Variants in RHOA observed in about 807,000 individuals in gnomAD.
RHOA encodes the protein transforming protein RhoA.
In RHOA, 3 loss-of-function variants were observed where a neutral mutation model predicts 17.5. The ratio of observed to expected loss-of-function variants is 0.17; its 90% confidence interval spans 0.08 to 0.44. RHOA has a LOEUF of 0.44. Ranked by LOEUF, RHOA falls within the 20% of genes least tolerant of loss-of-function variation. RHOA has a pLI of 0.99. For missense variants in RHOA, 56 were observed against 242.3 expected (o/e 0.23, Z 5.10); for synonymous variants, 98 against 88.4 (o/e 1.11, Z -0.61).
intron 1 of RHOA, among the ~76,000 whole-genome samples, chr3:49,395,627 C>T (rs2048602496): frequency 6.6e-6 from 1 of 151,430 alleles, no homozygotes; most frequent in Non-Finnish European, 1.5e-5. Context: ...GTAGGAGAAT[C>T]GCTTGAACCC....
intron 3 of RHOA, among the ~76,000 whole-genome samples, chr3:49,364,977 A>C (rs2048031301): frequency 6.6e-6 from 1 of 152,116 alleles, no homozygotes; most frequent in Non-Finnish European, 1.5e-5. Flanking sequence ...TCTCAAAAAA[A>C]CAAAAATAAA....
intron 1 of RHOA, among the ~76,000 whole-genome samples, chr3:49,383,688 C>A (rs1422142679): frequency 2.0e-5 from 3 of 152,108 alleles, no homozygotes; most frequent in Non-Finnish European, 4.4e-5. Context: ...CCTAGAATGT[C>A]CAGACTCTGT....
At chr3:49,411,534 C>T (rs1000322619) in intron 1 of RHOA, among the ~76,000 whole-genome samples, 1 of 152,036 alleles carries the variant, frequency 6.6e-6, no homozygotes, top group Non-Finnish European at 1.5e-5. Flanking sequence ...GCTCCGGGGA[C>T]CGAGGGCGGG....
chr3:49,368,928 G>A (rs1306616646), intron 2 of RHOA, among the ~76,000 whole-genome samples: 2 of 139,176 alleles, frequency 1.4e-5, no homozygotes, highest in Non-Finnish European at 3.1e-5. Context: ...AGGATGGTCT[G>A]GATCTCCTGA....
chr3:49,399,295 G>A (rs1338191725), intron 1 of RHOA, among the ~76,000 whole-genome samples: 1 of 151,666 alleles, frequency 6.6e-6, no homozygotes, highest in Admixed American at 6.6e-5. Context: ...ACGTGAACCT[G>A]GGAGGCGGAG....
intron 4 of RHOA, among the ~76,000 whole-genome samples, chr3:49,362,113 G>A (rs1381870031): frequency 1.9e-4 from 29 of 151,742 alleles, no homozygotes; most frequent in Admixed American, 1.6e-3. Flanking sequence ...CTTGAACCCC[G>A]GAGGCGGAGG....
intron 2 of RHOA, among the ~76,000 whole-genome samples, chr3:49,372,307 C>G (rs2048158559): frequency 6.6e-6 from 1 of 152,150 alleles, no homozygotes; most frequent in South Asian, 2.1e-4. Context: ...GGTTTGCCAC[C>G]TTCAGGGTAC....
chr3:49,391,942 C>T (rs1559511167), intron 1 of RHOA, among the ~76,000 whole-genome samples: 1 of 151,366 alleles, frequency 6.6e-6, no homozygotes, highest in Non-Finnish European at 1.5e-5. Flanking sequence ...ATTCTCCCGC[C>T]TCAGCCTCCC....
intron 1 of RHOA, among the ~76,000 whole-genome samples, chr3:49,394,804 T>C (rs1466851116): frequency 2.0e-5 from 3 of 152,166 alleles, no homozygotes; most frequent in African/African-American, 7.2e-5. Context: ...GGCAAGTGAT[T>C]CTGCCAGAGA....
chr3:49,392,338 G>A (rs2048525506), intron 1 of RHOA, among the ~76,000 whole-genome samples: 1 of 149,966 alleles, frequency 6.7e-6, no homozygotes, highest in African/African-American at 2.4e-5. Context: ...GTAAGGGTGG[G>A]AAACTGAGGT....
intron 1 of RHOA, among the ~76,000 whole-genome samples, chr3:49,398,765 G>A (rs1405605138): frequency 2.0e-5 from 3 of 146,964 alleles, no homozygotes; most frequent in Non-Finnish European, 4.5e-5. Context: ...GCGTGAACCC[G>A]GGAGGCAGAG....
intron 1 of RHOA, among the ~76,000 whole-genome samples, chr3:49,398,649 C>A (rs970141548): frequency 4.0e-5 from 6 of 150,098 alleles, no homozygotes; most frequent in Non-Finnish European, 5.9e-5. Flanking sequence ...CACCATGAAA[C>A]CCCGTCTCTA....
At chr3:49,364,558 G>A (rs1040759614) in intron 3 of RHOA, among the ~76,000 whole-genome samples, 1 of 152,158 alleles carries the variant, frequency 6.6e-6, no homozygotes, top group Non-Finnish European at 1.5e-5. Context: ...CTACTAGGGA[G>A]GCTGAGGCAG....
intron 2 of RHOA, chr3:49,373,276 G>T: frequency 4.2e-6 from 1 of 237,146 alleles, no homozygotes. Context: ...CTCAGGAGGC[G>T]GAGGTTGTTG....
At chr3:49,393,474 T>C (rs918469157) in intron 1 of RHOA, among the ~76,000 whole-genome samples, 2 of 151,978 alleles carry the variant, frequency 1.3e-5, no homozygotes, top group East Asian at 1.9e-4. Flanking sequence ...GTTTGGCTAA[T>C]TGCTGTAGAG....
chr3:49,387,338 G>A (rs1193533240), intron 1 of RHOA, among the ~76,000 whole-genome samples: 1 of 151,164 alleles, frequency 6.6e-6, no homozygotes, highest in Non-Finnish European at 1.5e-5. Flanking sequence ...CAGCTACTTG[G>A]GAGGCTGAGG....
At chr3:49,390,437 T>C (rs1283621813) in intron 1 of RHOA, among the ~76,000 whole-genome samples, 2 of 152,102 alleles carry the variant, frequency 1.3e-5, no homozygotes, top group Non-Finnish European at 2.9e-5. Flanking sequence ...CCTTAATTTT[T>C]GTATTTTTTG....
chr3:49,405,735 G>C (rs2048822529), intron 1 of RHOA, among the ~76,000 whole-genome samples: 1 of 152,034 alleles, frequency 6.6e-6, no homozygotes, highest in South Asian at 2.1e-4. Flanking sequence ...TGTTGCCCGG[G>C]CTGGAGTGCA....
chr3:49,395,907 C>T (rs781198032), intron 1 of RHOA, among the ~76,000 whole-genome samples: 10 of 152,052 alleles, frequency 6.6e-5, no homozygotes, highest in Non-Finnish European at 1.2e-4. Context: ...TCCCCACAGT[C>T]AGCTGAAAAA....
Sources: allele counts gnomAD v4.1 joint callset (sites outside exome capture counted in the v4.1 genomes callset), GRCh38; gene constraint gnomAD v4.1.1; transcripts MANE v1.5; gene names NCBI Gene and HGNC (gene_info 2026-07-23, HGNC 2026-07-21).